WNT7B: variants seen among roughly 807,000 people sequenced by gnomAD.
The protein encoded by WNT7B is Wnt family member 7B.
A neutral mutation model predicts 38.2 loss-of-function variants in WNT7B; 19 were observed. That is an observed-to-expected ratio of 0.50 (90% CI 0.35 to 0.73). The LOEUF (loss-of-function observed/expected upper bound fraction) is 0.73. Among genes scored for constraint, WNT7B ranks in the 30% least tolerant of loss-of-function variants. The probability of loss-of-function intolerance (pLI) is 0.01; values close to 1 mark genes in which losing one functional copy is unlikely to be tolerated. For synonymous variants in WNT7B, 243 were observed against 209.3 expected (o/e 1.16, Z -1.39); for missense variants, 423 against 507.9 (o/e 0.83, Z 1.61).
chr22:45,935,739 C>T, intron 2 of WNT7B: 1 of 885,794 alleles, frequency 1.1e-6, no homozygotes, highest in Non-Finnish European at 1.4e-6. Flanking sequence ...ATCTCCAAGA[C>T]AGCCCCATTC....
chr22:45,976,422 C>T lies in WNT7B; in HGVS notation c.71+262G>A, dbSNP rs1932552697. Among the ~76,000 whole-genome samples, 2 of 151,774 alleles carry T rather than the reference C, an allele frequency of 1.3e-5. No homozygotes were observed. Among genetic ancestry groups the T allele is most frequent in the African/African-American group, 4.8e-5 (2 of 41,378 alleles). ...GAAAGTACGCGCCGGGCACGCTCGC[C>T]GCTACCCGCGAGCCCGGCCGGACCG... On this transcript the variant is annotated intron_variant, in intron 1 of 3. Transcript: ENST00000339464. This position sits in a 1 kb window ranked among gnomAD's most constrained non-coding sequence, Gnocchi z 8.5.
intron 3 of WNT7B, chr22:45,926,401 T>G (rs534888731): frequency 1.0e-6 from 1 of 984,558 alleles, no homozygotes; most frequent in African/African-American, 1.8e-5. Flanking sequence ...GGCAGGGGGG[T>G]GGTGGACTGA....
intron 2 of WNT7B, among the ~76,000 whole-genome samples, chr22:45,944,738 C>T (rs543975394): frequency 6.6e-6 from 1 of 152,366 alleles, no homozygotes; most frequent in East Asian, 1.9e-4. Flanking sequence ...GGTGCAAGCC[C>T]TGGCCTGGCA....
rs1372602740 is a variant in WNT7B, at chr22:45,931,210, G to A, written c.458C>T (p.Ser153Leu). ...GTCGATGCCGTAACGCACGTCGGCC[G>A]AGCAGCCGCCCCACTTCCAGCCCTC... ...QAEGWKWGGC[S>L]ADVRYGIDFS... is the part of the protein sequence containing the mutation. Residue 153 changes from serine (S) to leucine (L), a missense_variant, in exon 3 of 4, where the codon TCG becomes TTG. Transcript: ENST00000339464. The A allele has an allele frequency of 1.3e-6, 2 of 1,599,200 alleles. No homozygotes were observed. The highest frequency in any genetic ancestry group is 1.7e-6 in the Non-Finnish European group (2 of 1,179,834).
intron 1 of WNT7B, among the ~76,000 whole-genome samples, chr22:45,962,681 T>C (rs955283316): frequency 3.3e-5 from 5 of 152,214 alleles, no homozygotes; most frequent in African/African-American, 9.6e-5. Context: ...ACAGTACAGA[T>C]GGGAACAGAA....
chr22:45,943,885 C>T (rs1047256969), intron 2 of WNT7B, among the ~76,000 whole-genome samples: 6 of 152,162 alleles, frequency 3.9e-5, no homozygotes, highest in African/African-American at 9.7e-5. Flanking sequence ...CCTGTGAGGC[C>T]GAGGGAGGGG....
intron 3 of WNT7B, among the ~76,000 whole-genome samples, chr22:45,929,953 C>CACTCATACATCTACCCACCCATGCATCT (rs1249592400): frequency 6.6e-6 from 1 of 151,106 alleles, no homozygotes; most frequent in East Asian, 1.9e-4. Flanking sequence ...TCCATCCATC[C>CACTCATACATCTACCCACCCATGCATCT]ACTCATACAT....
intron 1 of WNT7B, among the ~76,000 whole-genome samples, chr22:45,954,467 G>A (rs1366744378): frequency 6.6e-6 from 1 of 152,156 alleles, no homozygotes; most frequent in Non-Finnish European, 1.5e-5. Flanking sequence ...CGGGACTTCT[G>A]CACCCCAGTG....
intron 1 of WNT7B, among the ~76,000 whole-genome samples, chr22:45,969,332 C>T (rs1932381580): frequency 6.6e-6 from 1 of 152,228 alleles, no homozygotes; most frequent in Non-Finnish European, 1.5e-5. Context: ...TCGTCAGAGC[C>T]AACCCCCACA....
chr22:45,971,373 G>T (rs1413504537), intron 1 of WNT7B, among the ~76,000 whole-genome samples: 1 of 152,230 alleles, frequency 6.6e-6, no homozygotes, highest in African/African-American at 2.4e-5. Context: ...CAGAGCATAT[G>T]CGTCCCATTA....
chr22:45,935,736 A>C, intron 2 of WNT7B: 1 of 883,646 alleles, frequency 1.1e-6, no homozygotes, highest in Non-Finnish European at 1.4e-6. Context: ...CTTATCTCCA[A>C]GACAGCCCCA....
intron 3 of WNT7B, among the ~76,000 whole-genome samples, chr22:45,924,388 T>C (rs1008307170): frequency 6.6e-6 from 1 of 152,204 alleles, no homozygotes; most frequent in African/African-American, 2.4e-5. Context: ...GCAGCTTCCC[T>C]GGCCTGATTG....
intron 1 of WNT7B, among the ~76,000 whole-genome samples, chr22:45,955,517 C>T (rs567525082): frequency 3.3e-5 from 5 of 152,344 alleles, no homozygotes; most frequent in African/African-American, 1.2e-4. Context: ...ATGGCTTCCT[C>T]ATCCTCAGCT....
chr22:45,928,901 C>T (rs1028656394), intron 3 of WNT7B, among the ~76,000 whole-genome samples: 1 of 152,192 alleles, frequency 6.6e-6, no homozygotes, highest in African/African-American at 2.4e-5. Flanking sequence ...ATGCCTTTAC[C>T]TGTGCTATTC....
At position 45,966,687 on chromosome 22, in the gene WNT7B, ACAGCCTCAGACC is replaced by A. The variant is rs1159508792; in HGVS notation, c.71+9985_71+9996del. Among the ~76,000 whole-genome samples the A allele has an allele frequency of 1.3e-5, 2 of 152,180 alleles. No individual in the cohort carries two copies. Among genetic ancestry groups the A allele is most frequent in the Non-Finnish European group, 2.9e-5 (2 of 68,032 alleles). Reference sequence around the variant, plus strand: ...AGCAGGACGTTAGTGTCTTCTGCACACAGCCTCAGACCCAGCCTCGTGGCAGCTCCAGCACCT... The same window carrying A: ...AGCAGGACGTTAGTGTCTTCTGCACACAGCCTCGTGGCAGCTCCAGCACCT... On this transcript the variant is annotated intron_variant, in intron 1 of 3. Coordinates refer to ENST00000339464, the MANE Select transcript of WNT7B (RefSeq NM_058238.3). This position sits in a 1 kb window ranked among gnomAD's most constrained non-coding sequence, Gnocchi z 4.2.
Position 45,927,265 on chromosome 22 carries a change from C to T in WNT7B, c.570+3833G>A, listed in dbSNP as rs111772967. The T allele has an allele frequency of 3.7e-3, 3,643 of 985,404 alleles. 113 individuals are homozygous for T. In the African/African-American group the frequency reaches 0.059, roughly 16 times the overall value. The allele number at this position is 985,404 out of a possible 1,614,324, so 61.0% of individuals were successfully genotyped here. ...GGGGCTGCTCTGACAGTTTTCCGCA[C>T]AGGCACCCTGCGGCAGCCCATTAAA... On this transcript the variant is annotated intron_variant, in intron 3 of 3. Transcript: ENST00000339464.
At chr22:45,971,110 G>A (rs117921571) in intron 1 of WNT7B, among the ~76,000 whole-genome samples, 2,965 of 152,144 alleles carry the variant, frequency 0.019, 61 homozygotes, top group South Asian at 0.056. Flanking sequence ...TTATTAAATG[G>A]GGGTGGGGGC....
chr22:45,950,603 G>A lies in WNT7B; in HGVS notation c.72-457C>T, dbSNP rs1200097052. 3.9e-5 allele frequency among the ~76,000 whole-genome samples: 6 copies of A among 152,242 alleles called. No individual in the cohort carries two copies. The South Asian group carries it at 1.2e-3, about 32-fold the overall frequency. ...ATAAATTCCCCGATGGCCCCTCCAT[G>A]GCACCTGGGCCAGGCAGGCTGCTGA... On this transcript the variant is annotated intron_variant, in intron 1 of 3. Transcript: ENST00000339464.
intron 2 of WNT7B, among the ~76,000 whole-genome samples, chr22:45,931,594 A>G (rs1931362912): frequency 6.6e-6 from 1 of 151,374 alleles, no homozygotes; most frequent in Admixed American, 6.6e-5. Context: ...GCCCCAGGTC[A>G]CCCTGTGAGT....
Sources: allele counts gnomAD v4.1 joint callset (sites outside exome capture counted in the v4.1 genomes callset), GRCh38; gene constraint gnomAD v4.1.1; non-coding constraint Gnocchi (gnomAD v3.1); transcripts MANE v1.5; gene names NCBI Gene and HGNC (gene_info 2026-07-23, HGNC 2026-07-21).